Variants in TMEM207 observed in about 807,000 individuals in gnomAD.
TMEM207 encodes the protein SRSR846.
TMEM207 carries 15 observed loss-of-function variants against 17.4 expected under a neutral mutation model. That is an observed-to-expected ratio of 0.86 (90% CI 0.58 to 1.33). The LOEUF is 1.33. Ranked by LOEUF, TMEM207 falls within the 40% of genes most tolerant of loss-of-function variation. TMEM207 has a pLI of 0.00. For synonymous variants in TMEM207, 70 were observed against 65.6 expected (o/e 1.07, Z -0.33); for missense variants, 205 against 173.8 (o/e 1.18, Z -1.01).
intron 4 of TMEM207, among the ~76,000 whole-genome samples, chr3:190,438,086 G>C (rs868666385): frequency 1.7e-5 from 2 of 119,078 alleles, no homozygotes; most frequent in Middle Eastern, 0.01. Flanking sequence ...CATCACACTT[G>C]GGACTGTTGT....
chr3:190,446,508 T>A (rs966400877), intron 2 of TMEM207, among the ~76,000 whole-genome samples: 2 of 5,138 alleles, frequency 3.9e-4, no homozygotes, highest in Admixed American at 7.8e-4. Flanking sequence ...TGAGGGTTAA[T>A]TTTTTTTTGT....
At position 190,432,986 on chromosome 3, in the gene TMEM207, C is replaced by T. The variant is rs1380612914; in HGVS notation, c.305-3255G>A. Among the ~76,000 whole-genome samples, 2 of 152,130 alleles carry T rather than the reference C, an allele frequency of 1.3e-5. 1 individual carries two copies. Among genetic ancestry groups the T allele is most frequent in the African/African-American group, 4.8e-5 (2 of 41,426 alleles). On this transcript the variant is annotated intron_variant, in intron 4 of 4. Transcript: ENST00000354905. ...AAAGGCAGGGAACCTCATTAGGAAG[C>T]CTTGTCAAGCCTGAGGGAACCCAGC...
In TMEM207 at chr3:190,429,488, G is replaced by T; in HGVS notation, c.*107C>A. 6.8e-7 allele frequency: 1 copy of T among 1,479,342 alleles called. No individual in the cohort carries two copies. The allele number at this position is 1,479,342 out of a possible 1,614,324, so 91.6% of individuals were successfully genotyped here. On this transcript the variant is annotated 3_prime_UTR_variant, in exon 5 of 5. Coordinates refer to ENST00000354905, the MANE Select transcript of TMEM207 (RefSeq NM_207316.3). ...CGAATTGTCCTTCCTCAGACTATAT[G>T]AATAGATCTCTGGACATTTCCAACA...
At chr3:190,443,969 T>C (rs888538467) in intron 2 of TMEM207, among the ~76,000 whole-genome samples, 21 of 152,248 alleles carry the variant, frequency 1.4e-4, no homozygotes, top group African/African-American at 5.1e-4. Flanking sequence ...CGATTTCCTT[T>C]TGTTACTTTG....
chr3:190,439,638 C>G (rs551563754), intron 4 of TMEM207, among the ~76,000 whole-genome samples: 3 of 152,124 alleles, frequency 2.0e-5, no homozygotes, highest in Non-Finnish European at 4.4e-5. Context: ...CCTGAATTTC[C>G]TCTGTTCTTT....
At chr3:190,443,524 G>A (rs1417413661) in intron 2 of TMEM207, among the ~76,000 whole-genome samples, 1 of 152,058 alleles carries the variant, frequency 6.6e-6, no homozygotes, top group Non-Finnish European at 1.5e-5. Context: ...GCATCTTTGA[G>A]ATCATTTATT....
At chr3:190,434,621 GA>G (rs1222985469) in intron 4 of TMEM207, among the ~76,000 whole-genome samples, 1 of 151,888 alleles carries the variant, frequency 6.6e-6, no homozygotes, top group Admixed American at 6.6e-5. Flanking sequence ...CAAAAAGAAT[GA>G]AAAAAAATTA....
chr3:190,431,438 TTAAA>T (rs1354858675), intron 4 of TMEM207, among the ~76,000 whole-genome samples: 1 of 152,064 alleles, frequency 6.6e-6, no homozygotes, highest in Non-Finnish European at 1.5e-5. Context: ...CTTTTCATAG[TTAAA>T]TAATGATTTA....
chr3:190,447,825 C>A lies in TMEM207; in HGVS notation c.78G>T (p.Leu26Phe), dbSNP rs770486654. 5 of 1,612,072 alleles carry A rather than the reference C, an allele frequency of 3.1e-6. No individual in the cohort carries two copies. The highest frequency in any genetic ancestry group is 1.3e-5 in the African/African-American group (1 of 74,928). Residue 26 changes from leucine to phenylalanine, a missense_variant and splice_region_variant, in exon 2 of 5, where the codon TTG (leucine) becomes TTT (phenylalanine). Coordinates refer to ENST00000354905, the MANE Select transcript of TMEM207 (RefSeq NM_207316.3). ...CTTCGCATGGTAGGTCCGAGAGCAC[C>A]AACTGAAACACATGTTTAGAACAAT... is the stretch of plus-strand genomic sequence containing the variant. ...IGILCLPLFQ[L>F]VLSDLPCEED... is the part of the protein sequence containing the mutation.
chr3:190,437,829 C>T (rs1719836694), intron 4 of TMEM207, among the ~76,000 whole-genome samples: 1 of 151,240 alleles, frequency 6.6e-6, no homozygotes, highest in East Asian at 1.9e-4. Context: ...TTCACAATAG[C>T]AAAGACTTGG....
chr3:190,432,970 G>A (rs972990211), intron 4 of TMEM207, among the ~76,000 whole-genome samples: 22 of 152,126 alleles, frequency 1.4e-4, no homozygotes, highest in Admixed American at 1.4e-3. Context: ...GAAAGGCAGG[G>A]AACCTCATTA....
intron 4 of TMEM207, among the ~76,000 whole-genome samples, chr3:190,430,936 C>T (rs1266528916): frequency 6.6e-6 from 1 of 152,098 alleles, no homozygotes; most frequent in Non-Finnish European, 1.5e-5. Flanking sequence ...AGACTAGTTG[C>T]ATATTAGGCA....
intron 4 of TMEM207, among the ~76,000 whole-genome samples, chr3:190,432,540 G>T (rs1370916286): frequency 6.6e-6 from 1 of 152,132 alleles, no homozygotes; most frequent in Non-Finnish European, 1.5e-5. Context: ...GAAAATCTGT[G>T]AATGAAATAC....
rs773721392 is a variant in TMEM207, at chr3:190,447,777, G to T, written c.113+13C>A. The T allele has an allele frequency of 5.0e-6, 8 of 1,608,478 alleles. No individual in the cohort carries two copies. The East Asian group carries it at 1.1e-4, about 22-fold the overall frequency. ...GCGAAATAAAAACATGGAGTTTTTC[G>T]CTGTTTACTTACATTTCATCTTCTT... On this transcript the variant is annotated intron_variant, in intron 2 of 4. Transcript: ENST00000354905.
At chr3:190,434,363 G>T (rs1207431944) in intron 4 of TMEM207, among the ~76,000 whole-genome samples, 2 of 152,048 alleles carry the variant, frequency 1.3e-5, no homozygotes, top group African/African-American at 4.8e-5. Context: ...TAGTGAATAG[G>T]TCTCATAAGA....
At chr3:190,433,513 T>G (rs1719734164) in intron 4 of TMEM207, among the ~76,000 whole-genome samples, 1 of 152,224 alleles carries the variant, frequency 6.6e-6, no homozygotes, top group African/African-American at 2.4e-5. Context: ...GTCCTTGGAT[T>G]TATGAACTGC....
intron 1 of TMEM207, among the ~76,000 whole-genome samples, chr3:190,448,514 A>G (rs1720098360): frequency 6.6e-6 from 1 of 152,170 alleles, no homozygotes; most frequent in South Asian, 2.1e-4. Context: ...CTAAATCACA[A>G]GGAAAAAGGC....
rs1020738362 is a variant in TMEM207 at position 190,449,667 on chromosome 3, G to A, written c.75+68C>T. 4.2e-6 allele frequency: 6 copies of A among 1,434,186 alleles called. No individual in the cohort carries two copies. The African/African-American group carries it at 5.6e-5, about 13-fold the overall frequency. 88.8% of individuals were successfully genotyped at this position (1,434,186 alleles called of 1,614,324 possible). Reference sequence around the variant, plus strand: ...TAAGTTGCTCACATATAAATCTATAGCAAATCAAGTCCTCAGAGTACCTCA... The same window carrying A: ...TAAGTTGCTCACATATAAATCTATAACAAATCAAGTCCTCAGAGTACCTCA... On this transcript the variant is annotated intron_variant, in intron 1 of 4. Coordinates refer to ENST00000354905, the MANE Select transcript of TMEM207 (RefSeq NM_207316.3).
chr3:190,432,609 A>C (rs1227659505), intron 4 of TMEM207, among the ~76,000 whole-genome samples: 1 of 152,210 alleles, frequency 6.6e-6, no homozygotes, highest in Non-Finnish European at 1.5e-5. Context: ...CATGAAACAT[A>C]GGGAAATGGC....
Sources: allele counts gnomAD v4.1 joint callset (sites outside exome capture counted in the v4.1 genomes callset), GRCh38; gene constraint gnomAD v4.1.1; transcripts MANE v1.5; gene names NCBI Gene and HGNC (gene_info 2026-07-23, HGNC 2026-07-21).